Variants in FBXO11 observed in about 807,000 individuals in gnomAD.
The protein encoded by FBXO11 is F-box protein 11.
In FBXO11, 13 loss-of-function variants were observed where a neutral mutation model predicts 117.0. The ratio of observed to expected loss-of-function variants is 0.11; its 90% CI spans 0.07 to 0.18. FBXO11 has a LOEUF of 0.18. Ranked by LOEUF, FBXO11 falls within the 10% of genes least tolerant of loss-of-function variation. FBXO11 has a pLI of 1.00. For synonymous variants in FBXO11, 490 were observed against 380.5 expected (o/e 1.29, Z -3.35); for missense variants, 767 against 1,164.4 (o/e 0.66, Z 4.97).
intron 1 of FBXO11, among the ~76,000 whole-genome samples, chr2:47,901,350 A>G (rs1403068709): frequency 6.6e-6 from 1 of 151,818 alleles, no homozygotes; most frequent in Non-Finnish European, 1.5e-5. Flanking sequence ...TTAGATTTTC[A>G]GCACTTCAAA....
At chr2:47,859,054 A>G (rs546694417) in intron 1 of FBXO11, among the ~76,000 whole-genome samples, 177 of 150,368 alleles carry the variant, frequency 1.2e-3, no homozygotes, top group African/African-American at 3.6e-3. Flanking sequence ...AAAAAAAAAA[A>G]AAAAGAAAAG....
chr2:47,837,771 C>A (rs1199583707), intron 4 of FBXO11, among the ~76,000 whole-genome samples: 1 of 152,122 alleles, frequency 6.6e-6, no homozygotes. Flanking sequence ...CCGTCTGCCG[C>A]CCAGGCTGCA....
In FBXO11 at chr2:47,902,038, C is replaced by T. The variant is rs531403190; in HGVS notation, c.232+3451G>A. The stretch of plus-strand genomic sequence containing the variant: ...ACAACCTCAGCCTCCCGCGTTCAAG[C>T]GATTCTCCTGCCTCAGCCTCCAGAG... On this transcript the variant is annotated intron_variant, in intron 1 of 22. Transcript: ENST00000403359. Among the ~76,000 whole-genome samples, 66 of 152,306 alleles carry T rather than the reference C, an allele frequency of 4.3e-4. No individual in the cohort carries two copies. In the Middle Eastern group the frequency reaches 0.02, roughly 47 times the overall value.
At position 47,823,508 on chromosome 2, in the gene FBXO11, C is replaced by T. The variant is rs1171159158; in HGVS notation, c.1399-148G>A. The T allele has an allele frequency of 6.1e-6, 4 of 658,782 alleles. No individual in the cohort carries two copies. The African/African-American group carries it at 7.3e-5, about 12-fold the overall frequency. 40.8% of individuals were successfully genotyped at this position (658,782 alleles called of 1,614,324 possible). On this transcript the variant is annotated intron_variant, in intron 11 of 22. Transcript: ENST00000403359. ...GGTGACTCACGCCTGTTAATCCCAG[C>T]ACTTTGGGAGCCCTAGGAAGGTGGA...
intron 1 of FBXO11, among the ~76,000 whole-genome samples, chr2:47,855,935 A>G (rs991736654): frequency 3.3e-5 from 5 of 151,984 alleles, no homozygotes; most frequent in African/African-American, 4.8e-5. Flanking sequence ...GAAGACAGAG[A>G]TATCAAGTTC....
intron 1 of FBXO11, among the ~76,000 whole-genome samples, chr2:47,900,605 T>A (rs575500214): frequency 8.9e-6 from 1 of 112,204 alleles, no homozygotes; most frequent in Non-Finnish European, 2.1e-5. Context: ...TACACACGTA[T>A]ACACACGTAT....
At chr2:47,867,437 A>G (rs1418224144) in intron 1 of FBXO11, among the ~76,000 whole-genome samples, 1 of 152,194 alleles carries the variant, frequency 6.6e-6, no homozygotes. Context: ...ACTTCCATTC[A>G]CAACTCTTTG....
At chr2:47,905,324 G>T in intron 1 of FBXO11, 165 bp downstream of exon 1, 1 of 653,734 alleles carries the variant, frequency 1.5e-6, no homozygotes, top group Non-Finnish European at 2.0e-6. Flanking sequence ...GCCGGGCCCG[G>T]CCCGGGCTGA....
rs1284172682 is a variant in FBXO11 at position 47,807,704 on chromosome 2, C to T, written c.*414G>A. Reference sequence around the variant, plus strand: ...ATCAAAAGGAACGCAGAAGTGCTAGCTCACATTTTTACCATATTACAAAAG... The same window carrying T: ...ATCAAAAGGAACGCAGAAGTGCTAGTTCACATTTTTACCATATTACAAAAG... On this transcript the variant is annotated 3_prime_UTR_variant, in exon 23 of 23. Transcript: ENST00000403359. The T allele has an allele frequency of 3.0e-5, 7 of 233,474 alleles. No individual in the cohort carries two copies. The highest frequency in any genetic ancestry group is 5.1e-5 in the Non-Finnish European group (6 of 117,686). The allele number at this position is 233,474 out of a possible 1,614,324, so 14.5% of individuals were successfully genotyped here. A position where few individuals can be genotyped will look rare whatever the true frequency, so the allele number is the denominator to read the frequency against.
At chr2:47,897,025 T>C (rs1329428542) in intron 1 of FBXO11, among the ~76,000 whole-genome samples, 1 of 152,230 alleles carries the variant, frequency 6.6e-6, no homozygotes, top group Non-Finnish European at 1.5e-5. Flanking sequence ...CTTGTTTTTT[T>C]CTTTTTTCAA....
chr2:47,845,304 G>T (rs1438863852), intron 1 of FBXO11, among the ~76,000 whole-genome samples: 1 of 152,192 alleles, frequency 6.6e-6, no homozygotes, highest in Non-Finnish European at 1.5e-5. Context: ...GAAGCTACAT[G>T]ATTTAAGTCA....
intron 1 of FBXO11, among the ~76,000 whole-genome samples, chr2:47,861,131 T>C (rs1477498316): frequency 6.6e-6 from 1 of 152,154 alleles, no homozygotes; most frequent in East Asian, 1.9e-4. Flanking sequence ...ATTACAGGCA[T>C]GAACCACCAC....
intron 1 of FBXO11, among the ~76,000 whole-genome samples, chr2:47,900,717 CACGTATACACACACGTGTAT>C (rs1678130198): frequency 5.5e-5 from 7 of 127,244 alleles, no homozygotes; most frequent in Non-Finnish European, 1.2e-4. Context: ...TATATATATA[CACGTATACACACACGTGTAT>C]ATATATACAC....
intron 1 of FBXO11, among the ~76,000 whole-genome samples, chr2:47,891,764 G>A (rs1041860577): frequency 6.6e-6 from 1 of 151,904 alleles, no homozygotes; most frequent in Non-Finnish European, 1.5e-5. Context: ...CAATTTCTAC[G>A]TATCTTCACC....
Position 47,905,685 on chromosome 2 carries a change from C to T in FBXO11, c.36G>A (p.Arg12=). The change falls in exon 1 of 23, where the codon AGG becomes AGA. Residue 12 remains arginine, a synonymous_variant. Transcript: ENST00000403359. ...GCACCGGGCGCGGCCGCGACACTCG[C>T]CTGGGTCTCCGGTTGGCGGCTCGGA... ...NSVRAANRRP[R]RVSRPRPVQQ... is the part of the protein sequence containing the mutation. 6.6e-7 allele frequency: 1 copy of T among 1,517,300 alleles called. No homozygotes were observed. Among genetic ancestry groups the T allele is most frequent in the Non-Finnish European group, 8.8e-7 (1 of 1,134,896 alleles). 94.0% of individuals were successfully genotyped at this position (1,517,300 alleles called of 1,614,324 possible). A position where few individuals can be genotyped will look rare whatever the true frequency, so the allele number is the denominator to read the frequency against.
intron 19 of FBXO11, chr2:47,810,113 G>A (rs1319202200): frequency 9.5e-6 from 5 of 524,836 alleles, no homozygotes; most frequent in Admixed American, 7.4e-5. Context: ...TAAGCAATAA[G>A]AGCAATATTT....
chr2:47,842,461 C>T (rs1278262829), intron 1 of FBXO11, among the ~76,000 whole-genome samples: 2 of 152,056 alleles, frequency 1.3e-5, no homozygotes, highest in African/African-American at 4.8e-5. Context: ...GGTTTCTCTA[C>T]CTAGCTATAT....
chr2:47,868,128 T>C (rs1675334860), intron 1 of FBXO11, among the ~76,000 whole-genome samples: 1 of 152,032 alleles, frequency 6.6e-6, no homozygotes, highest in Non-Finnish European at 1.5e-5. Context: ...CAAGCCAGTG[T>C]TACTGGATGG....
intron 1 of FBXO11, among the ~76,000 whole-genome samples, chr2:47,859,182 C>G (rs765700617): frequency 3.3e-5 from 5 of 152,072 alleles, no homozygotes; most frequent in Non-Finnish European, 7.3e-5. Flanking sequence ...TAAAGCCACT[C>G]TTCAGAGATA....
Sources: allele counts gnomAD v4.1 joint callset (sites outside exome capture counted in the v4.1 genomes callset), GRCh38; gene constraint gnomAD v4.1.1; transcripts MANE v1.5; gene names NCBI Gene and HGNC (gene_info 2026-07-23, HGNC 2026-07-21).